ETS1: variants seen among roughly 807,000 people sequenced by gnomAD.
ETS1 encodes protein C-ets-1.
In ETS1, 15 loss-of-function variants were observed where a neutral mutation model predicts 58.6. The observed-to-expected ratio is 0.26, with a 90% confidence interval of 0.17 to 0.39. ETS1 has a LOEUF of 0.39. Ranked by LOEUF, ETS1 falls within the 10% of genes least tolerant of loss-of-function variation. ETS1 has a pLI of 1.00. For missense variants in ETS1, 417 were observed against 610.5 expected, an observed-to-expected ratio of 0.68 and a Z score of 3.34; for synonymous variants, 214 against 218.2, an observed-to-expected ratio of 0.98 and a Z score of 0.17.
In ETS1 at chr11:128,556,220, A is replaced by C. The variant is rs973274933; in HGVS notation, c.214+71T>G. The C allele has an allele frequency of 5.2e-6, 7 of 1,338,150 alleles. No individual in the cohort carries two copies. In the African/African-American group the frequency reaches 1.0e-4, roughly 20 times the overall value. 82.9% of individuals were successfully genotyped at this position (1,338,150 alleles called of 1,614,324 possible). On this transcript the variant is annotated intron_variant, in intron 3 of 9. Coordinates refer to ENST00000392668, the MANE Select transcript of ETS1 (RefSeq NM_001143820.2). ...GCCATGGCAGCTGTTATTTGAAAGA[A>C]TGCAGCCCTCATCACATTTCCATTG...
chr11:128,502,729 T>G (rs1863123077), intron 3 of ETS1, among the ~76,000 whole-genome samples: 1 of 152,232 alleles, frequency 6.6e-6, no homozygotes, highest in African/African-American at 2.4e-5. Context: ...CTTCCCAAAC[T>G]GTGTTACTTG....
rs1357588888 is a variant in ETS1, at chr11:128,464,164, C to T, written c.1124-537G>A. 6.6e-6 allele frequency among the ~76,000 whole-genome samples: 1 copy of T among 151,316 alleles called. No individual in the cohort carries two copies. On this transcript the variant is annotated intron_variant, in intron 8 of 9. Transcript: ENST00000392668. The surrounding 1 kb of genome is among the most constrained non-coding windows in gnomAD (Gnocchi z 4.1). ...TTACAAGGAAATAGATGTTAAATAT[C>T]TGTTCAGTCATAATATTTCTCTCCA... is the stretch of plus-strand genomic sequence containing the variant.
intron 3 of ETS1, among the ~76,000 whole-genome samples, chr11:128,525,072 T>G (rs989142403): frequency 6.6e-6 from 1 of 152,172 alleles, no homozygotes; most frequent in African/African-American, 2.4e-5. Context: ...TGCTTGTGCT[T>G]GTACTGCAGC....
Position 128,490,549 on chromosome 11 carries a change from A to G in ETS1, c.242T>C (p.Leu81Ser). The G allele has an allele frequency of 6.2e-7, 1 of 1,612,172 alleles. No homozygotes were observed. Among genetic ancestry groups the G allele is most frequent in the Non-Finnish European group, 8.5e-7 (1 of 1,178,392 alleles). The change falls in exon 4 of 10, where the codon TTA becomes TCA. Residue 81 changes from leucine (L) to serine (S), a missense_variant. Leu to Ser is a moderately radical substitution (Grantham distance 145). Coordinates refer to ENST00000392668, the MANE Select transcript of ETS1 (RefSeq NM_001143820.2). The part of the protein sequence containing the change: ...SDMECADVPL[L>S]TPSSKEMMSQ... ...CATCATTTCTTTGCTGCTTGGAGTT[A>G]ATAGTGGGACATCTGCACATTCCAT... is the stretch of plus-strand genomic sequence containing the variant.
chr11:128,541,998 C>T (rs1864064677), intron 3 of ETS1, among the ~76,000 whole-genome samples: 1 of 152,146 alleles, frequency 6.6e-6, no homozygotes. Flanking sequence ...GAGTGGCCAT[C>T]TGCTGCTTTT....
chr11:128,512,399 A>C (rs1260099932), intron 3 of ETS1, among the ~76,000 whole-genome samples: 1 of 152,210 alleles, frequency 6.6e-6, no homozygotes, highest in African/African-American at 2.4e-5. Context: ...TTTTTCCCCC[A>C]AAAACTGGCA....
chr11:128,532,668 T>C (rs536722615), intron 3 of ETS1, among the ~76,000 whole-genome samples: 71 of 152,094 alleles, frequency 4.7e-4, no homozygotes, highest in Middle Eastern at 3.4e-3. Context: ...TTTTTTTTTT[T>C]CCCCAGTGAC....
Position 128,459,926 on chromosome 11 carries a change from T to G in ETS1, c.*2435A>C, listed in dbSNP as rs959295520. ...AATTTAATAGGAACGGTGGATGATT[T>G]GAGAAAGTGATTTTATGCCTGGTTG... is the stretch of plus-strand genomic sequence containing the variant. On this transcript the variant is annotated 3_prime_UTR_variant, in exon 10 of 10. Transcript: ENST00000392668. 6.6e-6 allele frequency: 1 copy of G among 152,338 alleles called. No homozygotes were observed. Among genetic ancestry groups the G allele is most frequent in the Non-Finnish European group, 1.5e-5 (1 of 68,030 alleles). 9.4% of individuals were successfully genotyped at this position (152,338 alleles called of 1,614,324 possible). A position where few individuals can be genotyped will look rare whatever the true frequency, so the allele number is the denominator to read the frequency against.
At chr11:128,508,131 T>C (rs1863292758) in intron 3 of ETS1, among the ~76,000 whole-genome samples, 1 of 152,232 alleles carries the variant, frequency 6.6e-6, no homozygotes, top group African/African-American at 2.4e-5. Flanking sequence ...CACTTGGTTA[T>C]GGAGGTGTCA....
chr11:128,547,948 T>C (rs970029206), intron 3 of ETS1, among the ~76,000 whole-genome samples: 7 of 151,888 alleles, frequency 4.6e-5, no homozygotes, highest in African/African-American at 1.7e-4. Flanking sequence ...TTTCTCAGAG[T>C]GCAACTACAT....
intron 8 of ETS1, among the ~76,000 whole-genome samples, chr11:128,467,216 A>G (rs1862063282): frequency 6.6e-6 from 1 of 152,232 alleles, no homozygotes; most frequent in African/African-American, 2.4e-5. Context: ...GCCTGTCTCC[A>G]CAGCAATGCA....
chr11:128,474,927 T>C (rs556934209), intron 8 of ETS1, among the ~76,000 whole-genome samples: 1 of 152,376 alleles, frequency 6.6e-6, no homozygotes, highest in Admixed American at 6.5e-5. Context: ...TCAGCAAGCC[T>C]GGAAGCCAGC....
At chr11:128,503,305 A>T (rs1418674215) in intron 3 of ETS1, among the ~76,000 whole-genome samples, 1 of 152,232 alleles carries the variant, frequency 6.6e-6, no homozygotes, top group Non-Finnish European at 1.5e-5. Context: ...GAGCAGGCAC[A>T]TGCTGGATAC....
In ETS1 at chr11:128,490,487, T is replaced by C; in HGVS notation, c.304A>G (p.Lys102Glu). The C allele has an allele frequency of 1.9e-6, 3 of 1,614,132 alleles. No homozygotes were observed. The highest frequency in any genetic ancestry group is 2.5e-6 in the Non-Finnish European group (3 of 1,179,940). Residue 102 changes from lysine to glutamate, a missense_variant, in exon 4 of 10, where the codon AAA (lysine) becomes GAA (glutamate). By Grantham distance (56) the Lys-to-Glu change is moderately conservative (BLOSUM62 1). Around this residue, in one of 4 missense-constraint regions of ETS1, gnomAD observed 132 missense variants for 212.1 expected, o/e 0.62. Coordinates refer to ENST00000392668, the MANE Select transcript of ETS1 (RefSeq NM_001143820.2). ...ALKATFSGFT[K>E]EQQRLGIPKD... ...GGGATCCCCAGTCGTTGCTGTTCTT[T>C]AGTGAAACCACTGAAAGTAGCTTTT...
intron 1 of ETS1, among the ~76,000 whole-genome samples, chr11:128,585,007 GAAAGGAAAGAAAGAAGA>G (rs1486220375): frequency 8.3e-5 from 3 of 36,168 alleles, no homozygotes; most frequent in African/African-American, 5.3e-4. Flanking sequence ...AGGAAGGAAA[GAAAGGAAAGAAAGAAGA>G]AAGAAAGAAA....
At chr11:128,480,498 T>C in intron 7 of ETS1, 47 bp from the exon 8 acceptor site, 1 of 1,307,668 alleles carries the variant, frequency 7.6e-7, no homozygotes, top group Non-Finnish European at 1.1e-6. Context: ...GAGGAGGGAG[T>C]GGGAAAAAAA....
chr11:128,522,707 C>G (rs1290766687), intron 3 of ETS1, among the ~76,000 whole-genome samples: 2 of 152,220 alleles, frequency 1.3e-5, no homozygotes, highest in Non-Finnish European at 1.5e-5. Context: ...GGCTTGGTCA[C>G]CCGCTCTCGC....
chr11:128,562,408 C>T (rs1864418638), intron 2 of ETS1, among the ~76,000 whole-genome samples: 1 of 151,696 alleles, frequency 6.6e-6, no homozygotes, highest in South Asian at 2.1e-4. Context: ...GACTCCATCT[C>T]AAAAAAGAAA....
At chr11:128,520,584 T>C (rs750391715) in intron 3 of ETS1, among the ~76,000 whole-genome samples, 9 of 152,372 alleles carry the variant, frequency 5.9e-5, no homozygotes, top group Non-Finnish European at 1.3e-4. Context: ...TTCTGAATTG[T>C]AGGCCTAAGT....
Sources: gnomAD v4.1 joint callset for allele counts (sites outside exome capture counted in the v4.1 genomes callset) on GRCh38, gnomAD v4.1.1 for gene constraint, gnomAD v4.1.1 regional missense constraint, Gnocchi (gnomAD v3.1) non-coding constraint, MANE v1.5 for transcripts, NCBI Gene and HGNC (gene_info 2026-07-23, HGNC 2026-07-21) for gene names.